The following MAPRE1 variants were observed in gnomAD, a reference collection of about 807,000 sequenced individuals.
MAPRE1 encodes the protein microtubule-associated protein RP/EB family member 1.
MAPRE1 carries 5 observed loss-of-function variants against 32.1 expected under a neutral mutation model. The observed-to-expected ratio is 0.16, with a 90% CI of 0.08 to 0.33. MAPRE1 has a LOEUF of 0.33. MAPRE1 is among the 10% of genes least tolerant of loss of function. The pLI is 1.00. For missense variants in MAPRE1, 209 were observed against 327.2 expected (o/e 0.64, Z 2.79); for synonymous variants, 122 against 118.9 (o/e 1.03, Z -0.17).
chr20:32,846,428 C>T (rs1359203078), intron 5 of MAPRE1, among the ~76,000 whole-genome samples, 190 bp from the exon 6 acceptor site: 1 of 152,120 alleles, frequency 6.6e-6, no homozygotes, highest in Admixed American at 6.6e-5. Context: ...GAGCTGTTAC[C>T]GTCAAGGTTG....
intron 5 of MAPRE1, among the ~76,000 whole-genome samples, chr20:32,841,321 C>T (rs1163377361): frequency 6.6e-6 from 1 of 152,150 alleles, no homozygotes; most frequent in Non-Finnish European, 1.5e-5. Flanking sequence ...ATTTCAAACA[C>T]AGGAAGCAGT....
chr20:32,823,451 C>T, intron 1 of MAPRE1, among the ~76,000 whole-genome samples: 1 of 152,234 alleles, frequency 6.6e-6, no homozygotes, highest in East Asian at 1.9e-4. Context: ...TATGAAGTCT[C>T]TGGTATTTCA....
At chr20:32,839,674 G>A in intron 4 of MAPRE1, 61 bp from the exon 5 acceptor site, 2 of 1,595,322 alleles carry the variant, frequency 1.3e-6, no homozygotes, top group East Asian at 2.3e-5. Context: ...TTGTCTTGTG[G>A]ATTTTTTGTT....
At chr20:32,825,738 C>T (rs375633697) in intron 1 of MAPRE1, among the ~76,000 whole-genome samples, 187 bp from the exon 2 acceptor site, 72 of 152,022 alleles carry the variant, frequency 4.7e-4, no homozygotes, top group African/African-American at 1.5e-3. Flanking sequence ...GCAGTTGAGT[C>T]GAGGTCGTGC....
chr20:32,825,531 A>G (rs1413791131), intron 1 of MAPRE1, among the ~76,000 whole-genome samples: 1 of 152,150 alleles, frequency 6.6e-6, no homozygotes, highest in East Asian at 1.9e-4. Context: ...GCAGTGGCTC[A>G]CACCTGTAAT....
At chr20:32,819,787 G>A (rs1405728303), upstream of MAPRE1, 1 of 152,218 alleles carries the variant, frequency 6.6e-6, no homozygotes, top group South Asian at 2.1e-4. Context: ...CCCGGCGGTC[G>A]GGGCCCCGCC....
intron 4 of MAPRE1, among the ~76,000 whole-genome samples, chr20:32,838,769 T>C (rs1194842111): frequency 1.3e-5 from 2 of 152,226 alleles, no homozygotes; most frequent in Non-Finnish European, 2.9e-5. Context: ...GTCTTTGGGA[T>C]AAACGTGCTA....
At chr20:32,825,041 A>G (rs1982802668) in intron 1 of MAPRE1, among the ~76,000 whole-genome samples, 1 of 151,914 alleles carries the variant, frequency 6.6e-6, no homozygotes. Context: ...AATCCCAGGT[A>G]CTTGAGAAGC....
intron 6 of MAPRE1, among the ~76,000 whole-genome samples, chr20:32,847,945 A>G (rs1360379240): frequency 1.3e-5 from 2 of 152,210 alleles, no homozygotes; most frequent in African/African-American, 2.4e-5. Context: ...AGTATAACAA[A>G]AGGAAGGCAT....
intron 2 of MAPRE1, among the ~76,000 whole-genome samples, chr20:32,831,014 G>A (rs1040098055): frequency 3.4e-5 from 5 of 148,664 alleles, no homozygotes; most frequent in Admixed American, 6.7e-5. Context: ...GTGAGCCACC[G>A]CGCCCAGCCT....
rs1983596659 is a variant in MAPRE1, at chr20:32,849,747, C to G, written c.*1019C>G. The G allele has an allele frequency of 6.6e-6, 1 of 152,670 alleles. No homozygotes were observed. The highest frequency in any genetic ancestry group is 2.4e-5 in the African/African-American group (1 of 41,448). 9.5% of individuals were successfully genotyped at this position (152,670 alleles called of 1,614,324 possible). ...CATGCTGCAAGTTCTTTCTGGACCT[C>G]TGGCAAAGGGAGTGGTCAGTGAAGG... On this transcript the variant is annotated 3_prime_UTR_variant, in exon 7 of 7. Transcript: ENST00000375571.
intron 5 of MAPRE1, 120 bp downstream of exon 5, chr20:32,839,976 GA>G (rs2146135201): frequency 7.2e-7 from 1 of 1,386,546 alleles, no homozygotes; most frequent in East Asian, 2.4e-5. Context: ...CAGAGCATGT[GA>G]CACGTGTGAG....
intron 2 of MAPRE1, among the ~76,000 whole-genome samples, chr20:32,832,880 G>T (rs1983077689): frequency 7.1e-6 from 1 of 140,536 alleles, no homozygotes. Context: ...GGAAGTAGAG[G>T]TTGCGGTGAG....
At chr20:32,834,201 A>G (rs1983120791) in intron 3 of MAPRE1, among the ~76,000 whole-genome samples, 1 of 152,232 alleles carries the variant, frequency 6.6e-6, no homozygotes, top group African/African-American at 2.4e-5. Context: ...CTGTAAAAGC[A>G]TACTGTATGT....
At chr20:32,839,497 T>C (rs377721031) in intron 4 of MAPRE1, among the ~76,000 whole-genome samples, 5 of 152,334 alleles carry the variant, frequency 3.3e-5, no homozygotes, top group South Asian at 2.1e-4. Context: ...GAAGGACTTA[T>C]TCCCAGCATG....
chr20:32,836,699 C>T lies in MAPRE1; in HGVS notation c.333C>T (p.Phe111=), dbSNP rs1040595023. ...ACAATTTTGAATTCGTTCAGTGGTT[C>T]AAGAAGTTTTTCGATGCAAACTATG... ...FQDNFEFVQW[F]KKFFDANYDG... Residue 111 remains phenylalanine, a synonymous_variant, in exon 4 of 7, where the codon TTC becomes TTT. Coordinates refer to ENST00000375571, the MANE Select transcript of MAPRE1 (RefSeq NM_012325.3). 1 of 1,613,342 alleles carries T rather than the reference C, an allele frequency of 6.2e-7. No homozygotes were observed. Among genetic ancestry groups the T allele is most frequent in the African/African-American group, 1.3e-5 (1 of 74,876 alleles).
chr20:32,825,149 C>CAAAA (rs542454683), intron 1 of MAPRE1, among the ~76,000 whole-genome samples: 1 of 81,394 alleles, frequency 1.2e-5, no homozygotes, highest in African/African-American at 4.6e-5. Context: ...AAGACTGTCT[C>CAAAA]AAAAAAAAAA....
chr20:32,843,511 A>G (rs1419474337), intron 5 of MAPRE1: 1 of 152,256 alleles, frequency 6.6e-6, no homozygotes, highest in Non-Finnish European at 1.5e-5. Context: ...TAGTAGCTAC[A>G]TTAAAAAGAA....
chr20:32,835,364 G>GTTTTTTT lies in MAPRE1; in HGVS notation c.268-1260_268-1254dup, dbSNP rs71190879. Among the ~76,000 whole-genome samples the GTTTTTTT allele has an allele frequency of 7.8e-4, 83 of 106,606 alleles. 4 individuals are homozygous for GTTTTTTT. Among genetic ancestry groups the GTTTTTTT allele is most frequent in the East Asian group, 1.9e-3 (6 of 3,210 alleles). The allele number at this position is 106,606 out of a possible 152,430, so 69.9% of individuals were successfully genotyped here. A position where few individuals can be genotyped will look rare whatever the true frequency, so the allele number is the denominator to read the frequency against. On this transcript the variant is annotated intron_variant, in intron 3 of 6. Coordinates refer to ENST00000375571, the MANE Select transcript of MAPRE1 (RefSeq NM_012325.3). ...TTTTTGTGTGTGTGTTTTTATTGGT[G>GTTTTTTT]TTTTTTTTTTTTTTTTGAGATGAGG...
Sources: allele counts gnomAD v4.1 joint callset (sites outside exome capture counted in the v4.1 genomes callset), GRCh38; gene constraint gnomAD v4.1.1; transcripts MANE v1.5; gene names NCBI Gene and HGNC (gene_info 2026-07-23, HGNC 2026-07-21).